The following GOLPH3L variants were observed in gnomAD, a reference collection of about 807,000 sequenced individuals.
GOLPH3L encodes the protein golgi phosphoprotein 3 like, also known as Golgi phosphoprotein 3-like.
Under a neutral mutation model 30.3 loss-of-function variants are expected in GOLPH3L, and 22 were observed. The ratio of observed to expected loss-of-function variants is 0.73; its 90% CI spans 0.52 to 1.04. The LOEUF is 1.04. GOLPH3L is among the 50% of genes least tolerant of loss of function. GOLPH3L has a pLI of 0.00. For missense variants in GOLPH3L, 303 were observed against 345.8 expected (o/e 0.88, Z 0.98); for synonymous variants, 120 against 128.2 (o/e 0.94, Z 0.43).
intron 4 of GOLPH3L, among the ~76,000 whole-genome samples, chr1:150,653,298 A>ATT (rs750465136): frequency 9.5e-5 from 13 of 137,294 alleles, no homozygotes; most frequent in African/African-American, 1.3e-4. Flanking sequence ...TTTTTTTTTT[A>ATT]TTTTTTTTTT....
chr1:150,674,329 T>C (rs1650721985), intron 2 of GOLPH3L, among the ~76,000 whole-genome samples: 1 of 151,810 alleles, frequency 6.6e-6, no homozygotes, highest in Non-Finnish European at 1.5e-5. Flanking sequence ...GGCATGATCT[T>C]GGCTCATTGC....
At chr1:150,682,802 C>T (rs1335072571) in intron 2 of GOLPH3L, among the ~76,000 whole-genome samples, 2 of 151,868 alleles carry the variant, frequency 1.3e-5, no homozygotes, top group Non-Finnish European at 2.9e-5. Flanking sequence ...AATACAGTAA[C>T]CTCAAACCCT....
At chr1:150,691,958 G>A (rs927490073) in intron 2 of GOLPH3L, among the ~76,000 whole-genome samples, 4 of 149,304 alleles carry the variant, frequency 2.7e-5, no homozygotes, top group Non-Finnish European at 3.0e-5. Flanking sequence ...ATGGACCTTC[G>A]GGTTACTTAA....
chr1:150,655,535 G>A (rs1358439912), intron 4 of GOLPH3L, among the ~76,000 whole-genome samples: 1 of 152,150 alleles, frequency 6.6e-6, no homozygotes, highest in African/African-American at 2.4e-5. Context: ...CACTTCAAGT[G>A]GAAAGACAAA....
intron 2 of GOLPH3L, among the ~76,000 whole-genome samples, chr1:150,665,321 G>A (rs894321722): frequency 6.0e-5 from 9 of 151,168 alleles, no homozygotes; most frequent in African/African-American, 2.2e-4. Context: ...GCATATTTTG[G>A]GGTTACTTTT....
intron 2 of GOLPH3L, among the ~76,000 whole-genome samples, chr1:150,676,457 A>G (rs1650779594): frequency 6.6e-6 from 1 of 151,924 alleles, no homozygotes; most frequent in Non-Finnish European, 1.5e-5. Context: ...TCTCCCCAAG[A>G]GATTAGGATT....
At chr1:150,693,855 T>C (rs1406224981) in intron 2 of GOLPH3L, among the ~76,000 whole-genome samples, 1 of 76,236 alleles carries the variant, frequency 1.3e-5, no homozygotes, top group East Asian at 3.1e-4. Context: ...ATATTTTTTT[T>C]TTTTTTTTTT....
chr1:150,670,031 T>C (rs1329159488), intron 2 of GOLPH3L, among the ~76,000 whole-genome samples: 1 of 145,300 alleles, frequency 6.9e-6, no homozygotes, highest in Admixed American at 6.9e-5. Context: ...GAGGCTGACG[T>C]GGGTGGATAG....
chr1:150,693,817 G>GTGTA (rs1384258684), intron 2 of GOLPH3L, among the ~76,000 whole-genome samples: 1 of 62,812 alleles, frequency 1.6e-5, no homozygotes, highest in African/African-American at 9.2e-5. Flanking sequence ...GTGTGTGTGT[G>GTGTA]TGTATATATA....
At chr1:150,662,756 T>C (rs762112205) in intron 3 of GOLPH3L, among the ~76,000 whole-genome samples, 4 of 152,000 alleles carry the variant, frequency 2.6e-5, no homozygotes, top group Non-Finnish European at 4.4e-5. Flanking sequence ...AGTTTCAAAG[T>C]GATAAAAAGT....
intron 2 of GOLPH3L, among the ~76,000 whole-genome samples, chr1:150,669,733 G>A (rs752076858): frequency 8.5e-5 from 13 of 152,258 alleles, no homozygotes; most frequent in African/African-American, 2.6e-4. Flanking sequence ...AGGTCAAGGC[G>A]GGTGGATCAC....
At chr1:150,680,343 T>C (rs1355471677) in intron 2 of GOLPH3L, among the ~76,000 whole-genome samples, 1 of 152,218 alleles carries the variant, frequency 6.6e-6, no homozygotes, top group Non-Finnish European at 1.5e-5. Flanking sequence ...CTAATTCAGA[T>C]ATCAAGTGGG....
intron 2 of GOLPH3L, among the ~76,000 whole-genome samples, chr1:150,670,599 A>T (rs1444418756): frequency 1.3e-5 from 2 of 152,182 alleles, no homozygotes; most frequent in African/African-American, 4.8e-5. Flanking sequence ...TCTGTCTCAA[A>T]AAATAAATAA....
chr1:150,682,795 A>T (rs587595036), intron 2 of GOLPH3L, among the ~76,000 whole-genome samples: 2 of 152,308 alleles, frequency 1.3e-5, no homozygotes, highest in Non-Finnish European at 2.9e-5. Context: ...AAAAGAGAAT[A>T]CAGTAACCTC....
chr1:150,660,425 T>C (rs1443006089), intron 4 of GOLPH3L, among the ~76,000 whole-genome samples: 1 of 152,170 alleles, frequency 6.6e-6, no homozygotes, highest in African/African-American at 2.4e-5. Context: ...GCAATTCTAT[T>C]CCTAGGTATA....
intron 2 of GOLPH3L, among the ~76,000 whole-genome samples, chr1:150,664,310 G>A (rs1650446335): frequency 6.6e-6 from 1 of 152,090 alleles, no homozygotes; most frequent in Non-Finnish European, 1.5e-5. Context: ...GGTTTGACAT[G>A]CAAAATTTTA....
chr1:150,660,780 GGAGA>G (rs1269761870), intron 4 of GOLPH3L, among the ~76,000 whole-genome samples: 1 of 152,116 alleles, frequency 6.6e-6, no homozygotes, highest in Non-Finnish European at 1.5e-5. Context: ...GGGACTGGGG[GGAGA>G]GAGAAAGAGG....
intron 4 of GOLPH3L, among the ~76,000 whole-genome samples, chr1:150,649,759 A>G (rs893976652): frequency 1.3e-5 from 2 of 152,178 alleles, no homozygotes; most frequent in African/African-American, 4.8e-5. Flanking sequence ...CAAGGGCTAA[A>G]GCACAACCAC....
At chr1:150,667,079 G>C (rs1650525549) in intron 2 of GOLPH3L, among the ~76,000 whole-genome samples, 1 of 152,268 alleles carries the variant, frequency 6.6e-6, no homozygotes, top group East Asian at 1.9e-4. Context: ...GCACATTTAA[G>C]CCTAGTTTCC....
Sources: allele counts gnomAD v4.1 joint callset (sites outside exome capture counted in the v4.1 genomes callset), GRCh38; gene constraint gnomAD v4.1.1; transcripts MANE v1.5; gene names NCBI Gene and HGNC (gene_info 2026-07-23, HGNC 2026-07-21).